The following ZNF385D variants were observed in gnomAD, a reference collection of about 807,000 sequenced individuals.
The protein encoded by ZNF385D is zinc finger protein 659.
A neutral mutation model predicts 35.8 loss-of-function variants in ZNF385D; 15 were observed. The observed-to-expected ratio is 0.42, with a 90% CI of 0.28 to 0.64. The LOEUF is 0.64. Ranked by LOEUF, ZNF385D falls within the 30% of genes least tolerant of loss-of-function variation. ZNF385D has a pLI of 0.23. For missense variants in ZNF385D, 474 were observed against 494.6 expected, an observed-to-expected ratio of 0.96 and a Z score of 0.39; for synonymous variants, 212 against 186.8, an observed-to-expected ratio of 1.13 and a Z score of -1.10.
intron 3 of ZNF385D, among the ~76,000 whole-genome samples, chr3:21,759,950 T>A (rs917453142): frequency 1.3e-5 from 2 of 152,170 alleles, no homozygotes; most frequent in Non-Finnish European, 2.9e-5. Context: ...CACAAAGTAA[T>A]TGAAAGTGTT....
intron 2 of ZNF385D, among the ~76,000 whole-genome samples, chr3:22,185,656 T>C (rs1417657387): frequency 6.6e-6 from 1 of 152,100 alleles, no homozygotes; most frequent in Admixed American, 6.6e-5. Context: ...TTAGTAGAGA[T>C]AGCGATTCAC....
At chr3:21,759,419 T>G (rs979273372) in intron 3 of ZNF385D, among the ~76,000 whole-genome samples, 10 of 150,882 alleles carry the variant, frequency 6.6e-5, no homozygotes, top group African/African-American at 2.5e-4. Context: ...AAAACACAGA[T>G]GCCATATTGG....
intron 3 of ZNF385D, among the ~76,000 whole-genome samples, chr3:21,996,004 C>A (rs757221156): frequency 3.0e-4 from 46 of 152,006 alleles, no homozygotes; most frequent in Non-Finnish European, 5.6e-4. Flanking sequence ...ATCCTGCAGC[C>A]CTTTGGGTGG....
chr3:21,728,071 G>A (rs558387217), intron 1 of ZNF385D, among the ~76,000 whole-genome samples: 4 of 152,160 alleles, frequency 2.6e-5, no homozygotes, highest in Middle Eastern at 3.4e-3. Context: ...TCACTCATAC[G>A]TGGGAGTTGA....
At chr3:21,670,472 A>G (rs2125279837) in intron 1 of ZNF385D, among the ~76,000 whole-genome samples, 1 of 151,840 alleles carries the variant, frequency 6.6e-6, no homozygotes, top group Non-Finnish European at 1.5e-5. Flanking sequence ...ATTCAAATCC[A>G]TTTTCAAATA....
intron 3 of ZNF385D, among the ~76,000 whole-genome samples, chr3:22,117,281 T>A (rs1250891350): frequency 1.3e-5 from 2 of 152,078 alleles, no homozygotes. Flanking sequence ...CAGAGCAATA[T>A]ACTTTGAGCA....
At chr3:22,042,490 G>C (rs1208232254) in intron 3 of ZNF385D, among the ~76,000 whole-genome samples, 1 of 152,052 alleles carries the variant, frequency 6.6e-6, no homozygotes, top group African/African-American at 2.4e-5. Flanking sequence ...GCATCTTAAG[G>C]TATCGTTCTG....
Position 21,964,707 on chromosome 3 carries a change from G to A in ZNF385D, c.325+204110C>T, listed in dbSNP as rs560437454. Among the ~76,000 whole-genome samples the A allele has an allele frequency of 3.2e-3, 483 of 151,428 alleles. 1 individual carries two copies. Among genetic ancestry groups the A allele is most frequent in the Middle Eastern group, 6.8e-3 (2 of 294 alleles). The stretch of plus-strand genomic sequence containing the variant: ...GGGTTTCACCATGTTGGCCAGGCTG[G>A]TCTCGAACTCCTGACCTCAGGTGAT... On this transcript the variant is annotated intron_variant, in intron 3 of 5. Coordinates refer to the ZNF385D transcript ENST00000494108.
chr3:22,131,179 G>A (rs912222385), intron 3 of ZNF385D, among the ~76,000 whole-genome samples: 2 of 152,154 alleles, frequency 1.3e-5, no homozygotes, highest in African/African-American at 4.8e-5. Flanking sequence ...CCAACATTTA[G>A]AAGTCAGGGT....
chr3:22,193,511 A>C lies in ZNF385D; in HGVS notation c.107-24476T>G, dbSNP rs141035583. ...AATTAACTTGGAAAAATATGGGTTA[A>C]ATGAATTTTAGCAGAATTATTTCCT... is the stretch of plus-strand genomic sequence containing the variant. On this transcript the variant is annotated intron_variant, in intron 2 of 5. Coordinates refer to the ZNF385D transcript ENST00000494108. 1.6e-3 allele frequency among the ~76,000 whole-genome samples: 236 copies of C among 152,192 alleles called. 1 individual carries two copies. Among genetic ancestry groups the C allele is most frequent in the African/African-American group, 5.3e-3 (222 of 41,570 alleles).
rs891959502 is a variant in ZNF385D, at chr3:21,951,701, C to A, written c.325+217116G>T. ...GAAGCTGTTGGTGCACCTACATGGT[C>A]TTTATTCAGGCCCTACTTTTACTAT... On this transcript the variant is annotated intron_variant, in intron 3 of 5. Transcript: ENST00000494108. 2.0e-5 allele frequency among the ~76,000 whole-genome samples: 3 copies of A among 151,550 alleles called. 1 individual carries two copies. The highest frequency in any genetic ancestry group is 7.3e-5 in the African/African-American group (3 of 40,996).
At chr3:21,986,865 A>G (rs1694832558) in intron 3 of ZNF385D, among the ~76,000 whole-genome samples, 1 of 52,986 alleles carries the variant, frequency 1.9e-5, no homozygotes, top group Admixed American at 1.9e-4. Flanking sequence ...TATTGGGTGC[A>G]TATATATTTA....
chr3:21,976,740 C>A (rs1251400861), intron 3 of ZNF385D, among the ~76,000 whole-genome samples: 1 of 152,190 alleles, frequency 6.6e-6, no homozygotes, highest in African/African-American at 2.4e-5. Context: ...CGCTTGTAAT[C>A]TCAGCACTTT....
intron 3 of ZNF385D, among the ~76,000 whole-genome samples, chr3:21,803,138 C>T (rs1390654612): frequency 6.6e-6 from 1 of 152,134 alleles, no homozygotes; most frequent in Non-Finnish European, 1.5e-5. Flanking sequence ...TATAAGCCTC[C>T]CAGGCATTTC....
At chr3:21,759,877 T>C (rs1018302317) in intron 3 of ZNF385D, among the ~76,000 whole-genome samples, 1 of 152,196 alleles carries the variant, frequency 6.6e-6, no homozygotes, top group African/African-American at 2.4e-5. Flanking sequence ...ATATATACTG[T>C]GATAACAACT....
At chr3:21,820,460 C>G (rs542752752) in intron 3 of ZNF385D, among the ~76,000 whole-genome samples, 4 of 151,684 alleles carry the variant, frequency 2.6e-5, no homozygotes, top group East Asian at 1.9e-4. Context: ...ACAACAAAAT[C>G]AGATCCGAGA....
chr3:22,300,274 A>G (rs1395874416), intron 2 of ZNF385D, among the ~76,000 whole-genome samples: 1 of 151,854 alleles, frequency 6.6e-6, no homozygotes, highest in Non-Finnish European at 1.5e-5. Context: ...ATTGGGCCAT[A>G]TATTAAAAAT....
intron 3 of ZNF385D, chr3:21,511,901 C>A: frequency 2.4e-6 from 1 of 419,884 alleles, no homozygotes; most frequent in Middle Eastern, 7.2e-4. Flanking sequence ...GTAATCCAAG[C>A]ACTTTGGGAG....
At chr3:21,796,130 G>GGTAGAT (rs2072140679) in intron 3 of ZNF385D, among the ~76,000 whole-genome samples, 1 of 152,032 alleles carries the variant, frequency 6.6e-6, no homozygotes, top group Non-Finnish European at 1.5e-5. Context: ...ATCAAGTTCT[G>GGTAGAT]GTAGATTTTC....
Sources: gnomAD v4.1 joint callset for allele counts (sites outside exome capture counted in the v4.1 genomes callset) on GRCh38, gnomAD v4.1.1 for gene constraint, MANE v1.5 for transcripts, NCBI Gene and HGNC (gene_info 2026-07-23, HGNC 2026-07-21) for gene names.